Variants in WWC2 observed in about 807,000 individuals in gnomAD.
The protein encoded by WWC2 is WW and C2 domain containing 2.
A neutral mutation model predicts 138.5 loss-of-function variants in WWC2; 101 were observed. The ratio of observed to expected loss-of-function variants is 0.73; its 90% CI spans 0.62 to 0.86. WWC2 has a LOEUF of 0.86. WWC2 is among the 40% of genes least tolerant of loss of function. The pLI, the probability that WWC2 is intolerant of heterozygous loss-of-function variation, is 0.00. For missense variants in WWC2, 1,420 were observed against 1,419.4 expected, an observed-to-expected ratio of 1.00 and a Z score of -0.01; for synonymous variants, 558 against 538.4, an observed-to-expected ratio of 1.04 and a Z score of -0.50.
intron 15 of WWC2, 82 bp downstream of exon 15, chr4:183,269,245 C>T: frequency 1.4e-6 from 2 of 1,416,754 alleles, no homozygotes; most frequent in Admixed American, 2.3e-5. Flanking sequence ...GCTATTTTGC[C>T]AGCCCTAGAA....
At chr4:183,289,664 A>AG (rs762220831) in intron 21 of WWC2, 29 bp downstream of exon 21, 2 of 1,606,812 alleles carry the variant, frequency 1.2e-6, no homozygotes, top group African/African-American at 2.7e-5. Flanking sequence ...GTCATCTCGG[A>AG]GGGGCTTACA....
At chr4:183,194,350 G>A (rs1307439530) in intron 2 of WWC2, among the ~76,000 whole-genome samples, 1 of 152,132 alleles carries the variant, frequency 6.6e-6, no homozygotes, top group Non-Finnish European at 1.5e-5. Context: ...TTATATATTT[G>A]TGTATGTTTG....
At chr4:183,132,168 A>G (rs1732946347) in intron 1 of WWC2, among the ~76,000 whole-genome samples, 1 of 152,176 alleles carries the variant, frequency 6.6e-6, no homozygotes, top group Non-Finnish European at 1.5e-5. Flanking sequence ...CAGTGATATC[A>G]TTTACAAATA....
chr4:183,174,477 C>T (rs1403487783), intron 1 of WWC2, among the ~76,000 whole-genome samples: 1 of 152,194 alleles, frequency 6.6e-6, no homozygotes, highest in Non-Finnish European at 1.5e-5. Flanking sequence ...TTGCTTCCCA[C>T]CGTCCCAAAT....
chr4:183,260,118 A>C (rs1737277610), intron 10 of WWC2, among the ~76,000 whole-genome samples: 1 of 152,156 alleles, frequency 6.6e-6, no homozygotes, highest in African/African-American at 2.4e-5. Context: ...GAGCGAACCC[A>C]AGGGTCTTTT....
At chr4:183,285,861 C>T in intron 19 of WWC2, 106 bp from the exon 20 acceptor site, 1 of 1,035,180 alleles carries the variant, frequency 9.7e-7, no homozygotes, top group South Asian at 1.4e-5. Flanking sequence ...GAAATAAACT[C>T]TTAACTATGA....
At position 183,318,223 on chromosome 4, in the gene WWC2, A is replaced by G. The variant is rs1739503007; in HGVS notation, c.*2494A>G. 6.6e-6 allele frequency: 1 copy of G among 152,634 alleles called. No individual in the cohort carries two copies. The highest frequency in any genetic ancestry group is 1.5e-5 in the Non-Finnish European group (1 of 68,016). The allele number at this position is 152,634 out of a possible 1,614,324, so 9.5% of individuals were successfully genotyped here. ...CAGAATCTTAAGTGTTACAGGTACA[A>G]AAAGAATATTGCTAGCCAAATGAAC... On this transcript the variant is annotated 3_prime_UTR_variant, in exon 23 of 23. Transcript: ENST00000403733.
intron 1 of WWC2, among the ~76,000 whole-genome samples, chr4:183,105,391 T>C (rs1399565712): frequency 1.3e-5 from 2 of 152,174 alleles, no homozygotes; most frequent in African/African-American, 4.8e-5. Context: ...TGCTTACTTA[T>C]TTTCAGTAAT....
intron 4 of WWC2, among the ~76,000 whole-genome samples, chr4:183,223,300 C>T (rs1427131095): frequency 2.0e-5 from 3 of 152,184 alleles, no homozygotes; most frequent in African/African-American, 7.2e-5. Flanking sequence ...CATCGTATTT[C>T]TAAGAGTGTA....
intron 1 of WWC2, among the ~76,000 whole-genome samples, chr4:183,137,011 A>G (rs1733136993): frequency 6.6e-6 from 1 of 152,198 alleles, no homozygotes; most frequent in Non-Finnish European, 1.5e-5. Context: ...TTGTGTATCA[A>G]CATATCTAAA....
intron 1 of WWC2, among the ~76,000 whole-genome samples, chr4:183,117,221 T>C (rs986736856): frequency 1.4e-5 from 2 of 143,400 alleles, no homozygotes; most frequent in African/African-American, 5.2e-5. Context: ...TCTTCTTTTT[T>C]TTTTTTTTTT....
intron 21 of WWC2, 68 bp downstream of exon 21, chr4:183,289,703 G>T: frequency 6.4e-7 from 1 of 1,562,118 alleles, no homozygotes; most frequent in Non-Finnish European, 8.6e-7. Flanking sequence ...CATGTAGAAG[G>T]TACCCAACTT....
At chr4:183,248,125 CAT>C (rs1736856342) in intron 6 of WWC2, among the ~76,000 whole-genome samples, 1 of 152,122 alleles carries the variant, frequency 6.6e-6, no homozygotes, top group Admixed American at 6.6e-5. Flanking sequence ...CCAAGCCAAA[CAT>C]GTCACCACAG....
intron 1 of WWC2, among the ~76,000 whole-genome samples, chr4:183,114,415 C>T (rs1030376787): frequency 6.6e-6 from 1 of 152,118 alleles, no homozygotes; most frequent in African/African-American, 2.4e-5. Context: ...AGGTGTGAGA[C>T]CCCTATGAAG....
intron 5 of WWC2, among the ~76,000 whole-genome samples, chr4:183,240,837 G>C (rs1736594526): frequency 6.6e-6 from 1 of 152,186 alleles, no homozygotes; most frequent in Admixed American, 6.5e-5. Context: ...TACTGAAGTT[G>C]GCTGGGCCGT....
At chr4:183,291,370 A>G (rs1738446010) in intron 21 of WWC2, among the ~76,000 whole-genome samples, 1 of 152,200 alleles carries the variant, frequency 6.6e-6, no homozygotes, top group African/African-American at 2.4e-5. Context: ...AGCAGGTGGA[A>G]GGTAGTCTTA....
At chr4:183,100,921 A>G (rs1743159172) in intron 1 of WWC2, among the ~76,000 whole-genome samples, 2 of 152,248 alleles carry the variant, frequency 1.3e-5, no homozygotes, top group African/African-American at 4.8e-5. Flanking sequence ...TGTGACAGGC[A>G]TCACACCTTC....
intron 6 of WWC2, 105 bp from the exon 7 acceptor site, chr4:183,248,608 GT>G (rs767055327): frequency 2.1e-5 from 25 of 1,204,290 alleles, no homozygotes; most frequent in Non-Finnish European, 2.7e-5. Context: ...AAATAAAGTT[GT>G]TTTTTTCCAT....
At chr4:183,166,353 C>G (rs1734128868) in intron 1 of WWC2, among the ~76,000 whole-genome samples, 1 of 152,164 alleles carries the variant, frequency 6.6e-6, no homozygotes, top group Non-Finnish European at 1.5e-5. Context: ...TCATGTCTGT[C>G]AAGTTCATTG....
Sources: gnomAD v4.1 joint callset for allele counts (sites outside exome capture counted in the v4.1 genomes callset) on GRCh38, gnomAD v4.1.1 for gene constraint, MANE v1.5 for transcripts, NCBI Gene and HGNC (gene_info 2026-07-23, HGNC 2026-07-21) for gene names.